The following ACR variants were observed in gnomAD, a reference collection of about 807,000 sequenced individuals.
ACR encodes the protein acrosin, also known as acrosin light and heavy chain prepropeptide.
A neutral mutation model predicts 26.0 loss-of-function variants in ACR; 17 were observed. That is an observed-to-expected ratio of 0.65 (90% CI 0.45 to 0.98). ACR has a LOEUF of 0.98. Ranked by LOEUF, ACR falls within the 50% of genes least tolerant of loss-of-function variation. The pLI, the probability that ACR is intolerant of heterozygous loss-of-function variation, is 0.00. For synonymous variants in ACR, 199 were observed against 207.7 expected, an observed-to-expected ratio of 0.96 and a Z score of 0.36; for missense variants, 435 against 519.3, an observed-to-expected ratio of 0.84 and a Z score of 1.58.
intron 3 of ACR, chr22:50,740,637 G>A (rs2083421111): frequency 5.7e-6 from 4 of 702,502 alleles, no homozygotes; most frequent in South Asian, 1.5e-5. Flanking sequence ...TGGAGTGTCC[G>A]GCAGGTACCT....
rs762486601 is a variant in ACR, at chr22:50,744,731, G to T, written c.790G>T (p.Val264Leu). ...GGTCGTGGGAATCACAAGCTGGGGGGTAGGCTGTGCCCGTGCCAAGCGCCC... is the reference window on the plus strand; with the variant it reads ...GGTCGTGGGAATCACAAGCTGGGGGTTAGGCTGTGCCCGTGCCAAGCGCCC... The part of the protein sequence containing the change: ...YVVVGITSWG[V>L]GCARAKRPGI... Residue 264 changes from valine to leucine, a missense_variant, in exon 5 of 5, where the codon GTA becomes TTA. Transcript: ENST00000216139. 1 of 1,613,354 alleles carries T rather than the reference G, an allele frequency of 6.2e-7. No individual in the cohort carries two copies. Among genetic ancestry groups the T allele is most frequent in the South Asian group, 1.1e-5 (1 of 91,054 alleles).
intron 3 of ACR, among the ~76,000 whole-genome samples, chr22:50,742,457 T>C (rs1366255252): frequency 4.1e-4 from 60 of 147,836 alleles, no homozygotes; most frequent in Admixed American, 1.5e-3. Context: ...GGCAGGAGAA[T>C]GGCGTGAACC....
At chr22:50,738,420 A>ACCC (rs951600796) in intron 1 of ACR, 108 bp downstream of exon 1, 1 of 1,049,724 alleles carries the variant, frequency 9.5e-7, no homozygotes, top group African/African-American at 1.8e-5. Flanking sequence ...CCTAACCTGG[A>ACCC]CCCCCCCTGC....
intron 3 of ACR, among the ~76,000 whole-genome samples, chr22:50,742,247 C>G (rs984546948): frequency 6.6e-6 from 1 of 152,056 alleles, no homozygotes. Flanking sequence ...CTGCCCTAGA[C>G]TTAAAAAGTC....
In ACR at chr22:50,739,658, A is replaced by C; in HGVS notation, c.282-36A>C. 6.5e-7 allele frequency: 1 copy of C among 1,539,042 alleles called. No homozygotes were observed. Among genetic ancestry groups the C allele is most frequent in the Non-Finnish European group, 8.7e-7 (1 of 1,143,864 alleles). On this transcript the variant is annotated intron_variant, in intron 2 of 4. Coordinates refer to ENST00000216139, the MANE Select transcript of ACR (RefSeq NM_001097.3). This position sits in a 1 kb window ranked among gnomAD's most constrained non-coding sequence, Gnocchi z 5.5. Reference sequence around the variant, plus strand: ...GGTCGCTGTCACCAGGCTTTTGTCCAGCCGGTTGTGACCTGGCTTACCTTT... The same window carrying C: ...GGTCGCTGTCACCAGGCTTTTGTCCCGCCGGTTGTGACCTGGCTTACCTTT...
In ACR at chr22:50,744,707, G is replaced by A; in HGVS notation, c.766G>A (p.Val256Ile). ...AGACAGCAAGGAAAGCGCCTATGTG[G>A]TCGTGGGAATCACAAGCTGGGGGGT... ...CKDSKESAYV[V>I]VGITSWGVGC... The change falls in exon 5 of 5, where the codon GTC becomes ATC. Residue 256 changes from valine to isoleucine, a missense_variant. Physicochemically the swap from Val to Ile is conservative, Grantham distance 29 (BLOSUM62 3). Coordinates refer to ENST00000216139, the MANE Select transcript of ACR (RefSeq NM_001097.3). The A allele has an allele frequency of 6.2e-7, 1 of 1,613,500 alleles. No individual in the cohort carries two copies. The highest frequency in any genetic ancestry group is 8.5e-7 in the Non-Finnish European group (1 of 1,179,836).
intron 3 of ACR, chr22:50,740,631 G>A: frequency 1.4e-6 from 1 of 702,578 alleles, no homozygotes; most frequent in Non-Finnish European, 2.6e-6. Flanking sequence ...GCTTCCTGGA[G>A]TGTCCGGCAG....
chr22:50,738,463 C>T, intron 1 of ACR, 151 bp downstream of exon 1: 2 of 793,116 alleles, frequency 2.5e-6, no homozygotes, highest in South Asian at 3.3e-5. Context: ...CCCCCAGACC[C>T]TCAGCTTTCG....
chr22:50,741,912 A>G (rs1215473511), intron 3 of ACR, among the ~76,000 whole-genome samples: 1 of 151,516 alleles, frequency 6.6e-6, no homozygotes, highest in Non-Finnish European at 1.5e-5. Flanking sequence ...AGGCAGGTGG[A>G]TCACCTGAGG....
intron 3 of ACR, 74 bp downstream of exon 3, chr22:50,740,051 C>T: frequency 6.3e-7 from 1 of 1,585,138 alleles, no homozygotes; most frequent in Non-Finnish European, 8.6e-7. Context: ...GCAGCGGTCA[C>T]TTGTTGACAC....
At position 50,742,449 on chromosome 22, in the gene ACR, C is replaced by T. The variant is rs551891478; in HGVS notation, c.566-1612C>T. On this transcript the variant is annotated intron_variant, in intron 3 of 4. Transcript: ENST00000216139. ...GTCCCAGCTACTCGGGAGGCTGAGG[C>T]AGGAGAATGGCGTGAACCCAGGAGG... Among the ~76,000 whole-genome samples the T allele has an allele frequency of 1.0e-4, 15 of 150,464 alleles. No individual in the cohort carries two copies. In the East Asian group the frequency reaches 1.6e-3, roughly 16 times the overall value.
chr22:50,744,748 C>T lies in ACR; in HGVS notation c.807C>T (p.Ala269=), dbSNP rs1347439255. 1.9e-6 allele frequency: 3 copies of T among 1,604,764 alleles called. No homozygotes were observed. Among genetic ancestry groups the T allele is most frequent in the Non-Finnish European group, 8.5e-7 (1 of 1,176,348 alleles). The change falls in exon 5 of 5, where the codon GCC becomes GCT. Residue 269 remains alanine (A), a synonymous_variant. Transcript: ENST00000216139. ...GCTGGGGGGTAGGCTGTGCCCGTGC[C>T]AAGCGCCCCGGAATCTACACGGCCA... The part of the protein sequence containing the change: ...ITSWGVGCAR[A]KRPGIYTATW...
chr22:50,744,479 C>T, intron 4 of ACR, 174 bp from the exon 5 acceptor site: 2 of 1,030,368 alleles, frequency 1.9e-6, no homozygotes, highest in Non-Finnish European at 2.8e-6. Context: ...TCACACCCTC[C>T]TCACATCCCA....
In ACR at chr22:50,744,067, G is replaced by C; in HGVS notation, c.572G>C (p.Arg191Thr). 1 of 1,609,110 alleles carries C rather than the reference G, an allele frequency of 6.2e-7. No individual in the cohort carries two copies. The highest frequency in any genetic ancestry group is 8.5e-7 in the Non-Finnish European group (1 of 1,175,940). Residue 191 changes from arginine to threonine, a missense_variant, in exon 4 of 5, where the codon AGG becomes ACG. By Grantham distance (71) the Arg-to-Thr change is moderately conservative (BLOSUM62 -1). Transcript: ENST00000216139. ...CCGAGTGGTCTGACTATAGCCCCCA[G>C]GCCATCATCTATACTGATGGAGGCA... is the stretch of plus-strand genomic sequence containing the variant. Reference protein sequence around the residue: ...GWGYIEEKAPRPSSILMEARV... With the variant: ...GWGYIEEKAPTPSSILMEARV...
chr22:50,743,058 C>T lies in ACR; in HGVS notation c.566-1003C>T, dbSNP rs533675664. 3.1e-3 allele frequency among the ~76,000 whole-genome samples: 478 copies of T among 152,186 alleles called. 1 individual carries two copies. Among genetic ancestry groups the T allele is most frequent in the African/African-American group, 1.0e-2 (414 of 41,526 alleles). ...GCTTTCTTTCTTTTTTTGTTTGAGA[C>T]GGAGTCTCGCTCTGTGGCCCGGGCT... On this transcript the variant is annotated intron_variant, in intron 3 of 4. Coordinates refer to ENST00000216139, the MANE Select transcript of ACR (RefSeq NM_001097.3).
chr22:50,739,115 G>T lies in ACR; in HGVS notation c.78-156G>T, dbSNP rs1052218438. On this transcript the variant is annotated intron_variant, in intron 1 of 4. Transcript: ENST00000216139. This position sits in a 1 kb window ranked among gnomAD's most constrained non-coding sequence, Gnocchi z 5.5. ...CCAGAACCATTTCCTAGAGCCTGCG[G>T]CTTCCTACATAGCGCAGGCTGCCCC... Among the ~76,000 whole-genome samples the T allele has an allele frequency of 3.3e-5, 5 of 152,166 alleles. No homozygotes were observed. Among genetic ancestry groups the T allele is most frequent in the Non-Finnish European group, 7.3e-5 (5 of 68,032 alleles).
Position 50,739,861 on chromosome 22 carries a change from C to A in ACR, c.449C>A (p.Pro150His). Residue 150 changes from proline to histidine, a missense_variant, in exon 3 of 5, where the codon CCT becomes CAT. Pro to His is a moderately conservative substitution (Grantham distance 77). This residue lies in a region of ACR where 314 missense variants were observed against 372.0 expected (regional missense o/e 0.84). Transcript: ENST00000216139. This position sits in a 1 kb window ranked among gnomAD's most constrained non-coding sequence, Gnocchi z 5.5. ...GACATTGCCCTCGTGGAGATCACCC[C>A]TCCCATTTCGTGTGGGCGCTTCATT... ...GNDIALVEIT[P>H]PISCGRFIGP... The A allele has an allele frequency of 6.2e-7, 1 of 1,612,370 alleles. No homozygotes were observed. Among genetic ancestry groups the A allele is most frequent in the Non-Finnish European group, 8.5e-7 (1 of 1,178,862 alleles).
intron 3 of ACR, 122 bp downstream of exon 3, chr22:50,740,099 C>T (rs773463145): frequency 2.2e-5 from 28 of 1,266,080 alleles, no homozygotes; most frequent in South Asian, 1.1e-4. Context: ...CGGCGCTACA[C>T]GTAGAGCCAT....
At chr22:50,738,666 C>A (rs900867586) in intron 1 of ACR, among the ~76,000 whole-genome samples, 1 of 151,632 alleles carries the variant, frequency 6.6e-6, no homozygotes, top group African/African-American at 2.4e-5. Context: ...ACCGCTTGCA[C>A]CCCTACCCCC....
Sources: gnomAD v4.1 joint callset for allele counts (sites outside exome capture counted in the v4.1 genomes callset) on GRCh38, gnomAD v4.1.1 for gene constraint, gnomAD v4.1.1 regional missense constraint, Gnocchi (gnomAD v3.1) non-coding constraint, MANE v1.5 for transcripts, NCBI Gene and HGNC (gene_info 2026-07-23, HGNC 2026-07-21) for gene names.